DDIAS: variants seen among roughly 807,000 people sequenced by gnomAD.
The protein encoded by DDIAS is DNA damage induced apoptosis suppressor.
Under a neutral mutation model 15.7 loss-of-function variants are expected in DDIAS, and 14 were observed. The ratio of observed to expected loss-of-function variants is 0.89; its 90% CI spans 0.59 to 1.39. The LOEUF is 1.39. Among genes scored for constraint, DDIAS ranks in the 40% most tolerant of loss-of-function variants. The probability of loss-of-function intolerance (pLI) is 0.00; values close to 1 mark genes in which losing one functional copy is unlikely to be tolerated. For missense variants in DDIAS, 1,035 were observed against 1,130.9 expected (o/e 0.92, Z 1.22); for synonymous variants, 355 against 395.9 (o/e 0.90, Z 1.23).
chr11:82,923,142 C>T (rs1860791799), intron 3 of DDIAS, among the ~76,000 whole-genome samples: 1 of 152,256 alleles, frequency 6.6e-6, no homozygotes, highest in East Asian at 1.9e-4. Context: ...TGTGGGTCCT[C>T]TTGGGATTCC....
Position 82,931,919 on chromosome 11 carries a change from A to G in DDIAS, c.581A>G (p.Gln194Arg), listed in dbSNP as rs1227687999. The G allele has an allele frequency of 3.1e-6, 5 of 1,614,060 alleles. No individual in the cohort carries two copies. Among genetic ancestry groups the G allele is most frequent in the Admixed American group, 3.3e-5 (2 of 59,994 alleles). The change falls in exon 6 of 6, where the codon CAG becomes CGG. Residue 194 changes from glutamine (Q) to arginine (R), a missense_variant. Transcript: ENST00000533655. ...LLQTFNFRKL[Q>R]CDSQAPNNHL... ...CAGACTTTTAATTTCAGGAAACTTC[A>G]GTGTGACTCTCAGGCACCTAACAAT...
At position 82,934,514 on chromosome 11, in the gene DDIAS, A is replaced by G. The variant is rs1861079191; in HGVS notation, c.*179A>G. 3.6e-6 allele frequency: 2 copies of G among 562,346 alleles called. No homozygotes were observed. Among genetic ancestry groups the G allele is most frequent in the South Asian group, 7.0e-5 (2 of 28,608 alleles). The allele number at this position is 562,346 out of a possible 1,614,324, so 34.8% of individuals were successfully genotyped here. On this transcript the variant is annotated 3_prime_UTR_variant, in exon 6 of 6. Coordinates refer to ENST00000533655, the MANE Select transcript of DDIAS (RefSeq NM_145018.4). ...AAGCCATTGTTTTCCCCAGGGTTTT[A>G]TCTAGAATACTATGATTAGGTAGTT... is the stretch of plus-strand genomic sequence containing the variant.
chr11:82,918,487 A>G (rs1860677900), intron 3 of DDIAS, among the ~76,000 whole-genome samples: 1 of 152,344 alleles, frequency 6.6e-6, no homozygotes, highest in African/African-American at 2.4e-5. Context: ...ATGGCCTTAT[A>G]GTACAGTTTG....
At chr11:82,918,487 A>C (rs1860677900) in intron 3 of DDIAS, among the ~76,000 whole-genome samples, 1 of 152,226 alleles carries the variant, frequency 6.6e-6, no homozygotes, top group Admixed American at 6.5e-5. Context: ...ATGGCCTTAT[A>C]GTACAGTTTG....
intron 3 of DDIAS, among the ~76,000 whole-genome samples, chr11:82,926,479 GA>G (rs1860865268): frequency 2.0e-5 from 3 of 152,178 alleles, no homozygotes; most frequent in Non-Finnish European, 2.9e-5. Flanking sequence ...AGTATTAAAG[GA>G]GTGTGAAACC....
chr11:82,903,267 G>A (rs1860360313), intron 1 of DDIAS, among the ~76,000 whole-genome samples: 1 of 152,184 alleles, frequency 6.6e-6, no homozygotes, highest in East Asian at 1.9e-4. Flanking sequence ...TTAAGATGAT[G>A]GCAGAATATA....
intron 3 of DDIAS, among the ~76,000 whole-genome samples, chr11:82,916,469 G>C (rs536563529): frequency 6.6e-6 from 1 of 151,816 alleles, no homozygotes; most frequent in Non-Finnish European, 1.5e-5. Flanking sequence ...AGTAATATCT[G>C]CCTAATAAGG....
At chr11:82,923,096 G>C (rs1860790149) in intron 3 of DDIAS, among the ~76,000 whole-genome samples, 1 of 152,150 alleles carries the variant, frequency 6.6e-6, no homozygotes, top group Admixed American at 6.5e-5. Flanking sequence ...GTGTCTCCCA[G>C]GTCCTGCAGG....
chr11:82,904,111 C>T (rs778958553), intron 1 of DDIAS, among the ~76,000 whole-genome samples: 2 of 152,188 alleles, frequency 1.3e-5, no homozygotes, highest in Admixed American at 1.3e-4. Flanking sequence ...GTTGCAAAAG[C>T]ACTTTGCAAA....
chr11:82,923,887 GTA>G (rs985163794), intron 3 of DDIAS, among the ~76,000 whole-genome samples: 1 of 152,122 alleles, frequency 6.6e-6, no homozygotes, highest in African/African-American at 2.4e-5. Context: ...ACACAATAGT[GTA>G]TGTCTGTACT....
Position 82,933,977 on chromosome 11 carries a change from T to A in DDIAS, c.2639T>A (p.Phe880Tyr). ...ATATTTCCTTCAGATATGCTTGGAT[T>A]CCAAGGCATAGGTCTAGGGAAATGC... ...QKIFPSDMLGFQGIGLGKCLA... is the reference protein window; with the variant it reads ...QKIFPSDMLGYQGIGLGKCLA... Residue 880 changes from phenylalanine (F) to tyrosine (Y), a missense_variant, in exon 6 of 6, where the codon TTC (phenylalanine) becomes TAC (tyrosine). Phe to Tyr is a conservative substitution (Grantham distance 22). Transcript: ENST00000533655. 13 of 1,612,896 alleles carry A rather than the reference T, an allele frequency of 8.1e-6. No individual in the cohort carries two copies. The highest frequency in any genetic ancestry group is 1.1e-5 in the Non-Finnish European group (13 of 1,179,742).
In DDIAS at chr11:82,931,918, C is replaced by G; in HGVS notation, c.580C>G (p.Gln194Glu). The G allele has an allele frequency of 1.2e-6, 2 of 1,614,134 alleles. No individual in the cohort carries two copies. Among genetic ancestry groups the G allele is most frequent in the African/African-American group, 1.3e-5 (1 of 75,030 alleles). Residue 194 changes from glutamine to glutamate, a missense_variant, in exon 6 of 6, where the codon CAG (glutamine) becomes GAG (glutamate). By Grantham distance (29) the Gln-to-Glu change is conservative. Transcript: ENST00000533655. Reference protein sequence around the residue: ...LLQTFNFRKLQCDSQAPNNHL... With the variant: ...LLQTFNFRKLECDSQAPNNHL... ...GCAGACTTTTAATTTCAGGAAACTT[C>G]AGTGTGACTCTCAGGCACCTAACAA... is the stretch of plus-strand genomic sequence containing the variant.
chr11:82,923,903 C>G (rs1860807065), intron 3 of DDIAS, among the ~76,000 whole-genome samples: 1 of 152,162 alleles, frequency 6.6e-6, no homozygotes, highest in African/African-American at 2.4e-5. Flanking sequence ...CTGTACTCTC[C>G]CCAGATTATA....
At chr11:82,927,750 T>C (rs1236900518) in intron 3 of DDIAS, among the ~76,000 whole-genome samples, 1 of 152,202 alleles carries the variant, frequency 6.6e-6, no homozygotes. Flanking sequence ...GAAGAGAAGT[T>C]AACAGTACAA....
intron 3 of DDIAS, among the ~76,000 whole-genome samples, chr11:82,917,927 T>C (rs769328595): frequency 5.9e-5 from 9 of 152,164 alleles, no homozygotes; most frequent in African/African-American, 1.9e-4. Context: ...ATGTGTTTTC[T>C]TGGCCATTTG....
intron 1 of DDIAS, among the ~76,000 whole-genome samples, chr11:82,902,353 G>T (rs953598676): frequency 1.3e-5 from 2 of 151,610 alleles, no homozygotes; most frequent in South Asian, 2.1e-4. Context: ...ATTTTGGTTC[G>T]ACCCTATGAC....
chr11:82,902,830 C>G (rs1298134613), intron 1 of DDIAS, among the ~76,000 whole-genome samples: 2 of 152,230 alleles, frequency 1.3e-5, no homozygotes, highest in Non-Finnish European at 2.9e-5. Flanking sequence ...TTAAATGCTT[C>G]TTTCGTCTGT....
At chr11:82,904,663 A>C (rs1349546639) in intron 1 of DDIAS, among the ~76,000 whole-genome samples, 1 of 152,236 alleles carries the variant, frequency 6.6e-6, no homozygotes, top group African/African-American at 2.4e-5. Context: ...TTACTGAATC[A>C]AACTCTGGAG....
At chr11:82,929,970 A>G (rs1173836354) in intron 4 of DDIAS, among the ~76,000 whole-genome samples, 187 bp from the exon 5 acceptor site, 2 of 152,074 alleles carry the variant, frequency 1.3e-5, no homozygotes, top group African/African-American at 2.4e-5. Context: ...CACTTGATCA[A>G]TTGGTTTTGT....
Sources: allele counts gnomAD v4.1 joint callset (sites outside exome capture counted in the v4.1 genomes callset), GRCh38; gene constraint gnomAD v4.1.1; transcripts MANE v1.5; gene names NCBI Gene and HGNC (gene_info 2026-07-23, HGNC 2026-07-21).